The following C1GALT1 variants were observed in gnomAD, a reference collection of about 807,000 sequenced individuals.
The protein encoded by C1GALT1 is core 1 synthase, glycoprotein-N-acetylgalactosamine 3-beta-galactosyltransferase 1.
C1GALT1 carries 11 observed loss-of-function variants against 31.0 expected under a neutral mutation model. The ratio of observed to expected loss-of-function variants is 0.36; its 90% confidence interval spans 0.22 to 0.59. The LOEUF (loss-of-function observed/expected upper bound fraction) is 0.59, where lower values mean the gene tolerates loss of function less well. Among genes scored for constraint, C1GALT1 ranks in the 20% least tolerant of loss-of-function variants. The pLI is 0.79. For synonymous variants in C1GALT1, 175 were observed against 143.6 expected (o/e 1.22, Z -1.56); for missense variants, 424 against 425.2 (o/e 1.00, Z 0.03).
chr7:7,161,753 G>C (rs1439640498), intron 2 of C1GALT1, among the ~76,000 whole-genome samples: 1 of 151,982 alleles, frequency 6.6e-6, no homozygotes, highest in Non-Finnish European at 1.5e-5. Flanking sequence ...TGTCACAATG[G>C]TATTAAAAAA....
chr7:7,206,711 TG>T (rs1275136088), intron 1 of C1GALT1, among the ~76,000 whole-genome samples: 1 of 151,630 alleles, frequency 6.6e-6, no homozygotes, highest in African/African-American at 2.4e-5. Context: ...TCTCAGCTTT[TG>T]TTTTAAAGGA....
At chr7:7,223,373 G>C (rs1182700408) in intron 1 of C1GALT1, among the ~76,000 whole-genome samples, 3 of 152,142 alleles carry the variant, frequency 2.0e-5, no homozygotes, top group Non-Finnish European at 4.4e-5. Flanking sequence ...ATGTTGGCCA[G>C]TCTGGTTTGG....
chr7:7,206,689 AAG>A (rs201802685), intron 1 of C1GALT1, among the ~76,000 whole-genome samples: 4,930 of 148,566 alleles, frequency 0.033, 176 homozygotes, highest in African/African-American at 0.095. Flanking sequence ...AAAAAAAAAA[AAG>A]AAGAGAATGT....
intron 1 of C1GALT1, among the ~76,000 whole-genome samples, chr7:7,231,547 G>T (rs577229783): frequency 2.0e-5 from 3 of 152,000 alleles, no homozygotes; most frequent in African/African-American, 7.2e-5. Context: ...TTCTGACCTA[G>T]CTTTTTAGGT....
rs976563301 is a variant in C1GALT1 at position 7,246,036 on chromosome 7, A to C, written c.*2309A>C. The stretch of plus-strand genomic sequence containing the variant: ...TTATTATTCTGTTACCTTGGAGTGT[A>C]AGTACTGCATTTAAGTGAATGAAAA... On this transcript the variant is annotated 3_prime_UTR_variant, in exon 4 of 4. Transcript: ENST00000436587. 1.3e-5 allele frequency: 2 copies of C among 152,202 alleles called. No individual in the cohort carries two copies. Among genetic ancestry groups the C allele is most frequent in the African/African-American group, 4.8e-5 (2 of 41,440 alleles). 9.4% of individuals were successfully genotyped at this position (152,202 alleles called of 1,614,324 possible). A position where few individuals can be genotyped will look rare whatever the true frequency, so the allele number is the denominator to read the frequency against.
intron 2 of C1GALT1, among the ~76,000 whole-genome samples, chr7:7,176,444 C>T (rs1395538258): frequency 2.0e-4 from 31 of 152,194 alleles, no homozygotes; most frequent in Admixed American, 2.0e-3. Flanking sequence ...AATGTTTCTG[C>T]TTCTGTTTCT....
chr7:7,201,370 G>A (rs188945836), intron 1 of C1GALT1, among the ~76,000 whole-genome samples: 85 of 152,246 alleles, frequency 5.6e-4, no homozygotes, highest in African/African-American at 6.3e-4. Context: ...TGGAAGCTTC[G>A]TCTCAGAGGG....
intron 2 of C1GALT1, among the ~76,000 whole-genome samples, chr7:7,158,568 A>T (rs114309039): frequency 0.019 from 2,874 of 150,920 alleles, 76 homozygotes; most frequent in African/African-American, 0.065. Context: ...CATATTATAT[A>T]CACATACATT....
At chr7:7,161,227 C>T (rs758909414) in intron 2 of C1GALT1, among the ~76,000 whole-genome samples, 1 of 152,128 alleles carries the variant, frequency 6.6e-6, no homozygotes, top group Admixed American at 6.6e-5. Context: ...TTCTCAGAAA[C>T]GTTTGCTTCT....
intron 1 of C1GALT1, among the ~76,000 whole-genome samples, chr7:7,199,387 A>T: frequency 6.6e-6 from 1 of 151,644 alleles, no homozygotes. Flanking sequence ...GTTTGATCGC[A>T]CTGTGGTCTG....
At chr7:7,180,782 G>A (rs1245099605), upstream of C1GALT1, among the ~76,000 whole-genome samples, 1 of 152,098 alleles carries the variant, frequency 6.6e-6, no homozygotes, top group African/African-American at 2.4e-5. Flanking sequence ...CCCAACTACT[G>A]GGGAGGCTAA....
chr7:7,197,266 C>A (rs564600110), intron 1 of C1GALT1, among the ~76,000 whole-genome samples: 3 of 150,140 alleles, frequency 2.0e-5, no homozygotes, highest in Admixed American at 2.0e-4. Context: ...ATATGGCTAG[C>A]CAGTTTTCCC....
chr7:7,189,122 C>A (rs1385793189), intron 1 of C1GALT1, among the ~76,000 whole-genome samples: 4 of 151,994 alleles, frequency 2.6e-5, no homozygotes, highest in African/African-American at 9.7e-5. Context: ...AAAGATTTTC[C>A]CTATCAGCAC....
intron 1 of C1GALT1, among the ~76,000 whole-genome samples, chr7:7,185,845 A>G (rs1780788524): frequency 6.6e-6 from 1 of 152,246 alleles, no homozygotes; most frequent in Non-Finnish European, 1.5e-5. Context: ...TACATCGTTC[A>G]GTAAATGTTT....
chr7:7,217,095 C>A (rs1002660492), intron 1 of C1GALT1, among the ~76,000 whole-genome samples: 1 of 152,178 alleles, frequency 6.6e-6, no homozygotes, highest in East Asian at 1.9e-4. Flanking sequence ...CCGCTGCATA[C>A]TTACCAGTCT....
chr7:7,229,162 C>T (rs1241462517), intron 1 of C1GALT1, among the ~76,000 whole-genome samples: 3 of 152,206 alleles, frequency 2.0e-5, no homozygotes, highest in Non-Finnish European at 4.4e-5. Flanking sequence ...CTTTCTTCTC[C>T]AGTGCCAGGA....
At chr7:7,242,820 T>C (rs749305454) in intron 3 of C1GALT1, among the ~76,000 whole-genome samples, 29 of 152,132 alleles carry the variant, frequency 1.9e-4, no homozygotes, top group African/African-American at 6.0e-4. Context: ...CCACCTGATA[T>C]GATTTTTCAG....
At chr7:7,227,034 C>A (rs1184786769) in intron 1 of C1GALT1, among the ~76,000 whole-genome samples, 1 of 152,046 alleles carries the variant, frequency 6.6e-6, no homozygotes, top group African/African-American at 2.4e-5. Flanking sequence ...ATTTAATGAG[C>A]CCTCCAACTC....
chr7:7,232,723 CAG>C (rs1783146313), intron 1 of C1GALT1, among the ~76,000 whole-genome samples: 1 of 152,114 alleles, frequency 6.6e-6, no homozygotes, highest in Non-Finnish European at 1.5e-5. Context: ...CTCCTGACCT[CAG>C]GTGATCCACC....
Sources: allele counts gnomAD v4.1 joint callset (sites outside exome capture counted in the v4.1 genomes callset), GRCh38; gene constraint gnomAD v4.1.1; transcripts MANE v1.5; gene names NCBI Gene and HGNC (gene_info 2026-07-23, HGNC 2026-07-21).